Variants in GPC6 observed in about 807,000 individuals in gnomAD.
GPC6 encodes the protein glypican-6.
Under a neutral mutation model 55.2 loss-of-function variants are expected in GPC6, and 14 were observed. The ratio of observed to expected loss-of-function variants is 0.25; its 90% CI spans 0.17 to 0.40. The LOEUF (loss-of-function observed/expected upper bound fraction) is 0.40. Among genes scored for constraint, GPC6 ranks in the 10% least tolerant of loss-of-function variants. The pLI is 1.00. For synonymous variants in GPC6, 278 were observed against 259.6 expected (o/e 1.07, Z -0.68); for missense variants, 641 against 708.5 (o/e 0.90, Z 1.08).
intron 2 of GPC6, among the ~76,000 whole-genome samples, chr13:93,546,279 T>C (rs1874783253): frequency 6.6e-6 from 1 of 152,222 alleles, no homozygotes; most frequent in Admixed American, 6.5e-5. Context: ...CTATTAATTT[T>C]CTTCTCTCAG....
At chr13:93,393,041 A>G (rs547939061) in intron 1 of GPC6, among the ~76,000 whole-genome samples, 1 of 150,982 alleles carries the variant, frequency 6.6e-6, no homozygotes, top group African/African-American at 2.4e-5. Context: ...TGTTAATTAA[A>G]TTTGAGAGAT....
Position 93,808,676 on chromosome 13 carries a change from G to A in GPC6, c.320-21478G>A, listed in dbSNP as rs1349793006. Among the ~76,000 whole-genome samples the A allele has an allele frequency of 3.3e-5, 5 of 152,200 alleles. No individual in the cohort carries two copies. In the East Asian group the frequency reaches 9.6e-4, roughly 29 times the overall value. On this transcript the variant is annotated intron_variant, in intron 2 of 8. Coordinates refer to ENST00000377047, the MANE Select transcript of GPC6 (RefSeq NM_005708.5). ...AACACAGAACTCCTATGGAAAGCAA[G>A]TTTATTCCAGAAAGTATGAGTGAGG...
intron 3 of GPC6, among the ~76,000 whole-genome samples, chr13:93,935,939 T>A (rs1331467172): frequency 6.6e-6 from 1 of 152,176 alleles, no homozygotes; most frequent in Non-Finnish European, 1.5e-5. Flanking sequence ...TTTTATCAGA[T>A]TCCCTCTTGA....
chr13:93,786,108 G>A (rs879477253), intron 2 of GPC6, among the ~76,000 whole-genome samples: 1 of 152,124 alleles, frequency 6.6e-6, no homozygotes, highest in Admixed American at 6.5e-5. Context: ...CAGTGTGGAC[G>A]CCAAACACTC....
chr13:93,341,251 T>G (rs1344988233), intron 1 of GPC6, among the ~76,000 whole-genome samples: 1 of 152,214 alleles, frequency 6.6e-6, no homozygotes, highest in Non-Finnish European at 1.5e-5. Context: ...TGACTTCTTT[T>G]GGGTAGCTAC....
intron 1 of GPC6, among the ~76,000 whole-genome samples, chr13:93,324,464 G>A (rs558101897): frequency 6.6e-6 from 1 of 150,638 alleles, no homozygotes; most frequent in South Asian, 2.1e-4. Context: ...AGATACTTAG[G>A]GGGATGGAAA....
intron 1 of GPC6, among the ~76,000 whole-genome samples, chr13:93,485,283 G>A (rs1055957962): frequency 1.3e-5 from 2 of 152,144 alleles, no homozygotes; most frequent in Admixed American, 6.5e-5. Flanking sequence ...TGGGACAGGC[G>A]GTGGCATCAT....
chr13:93,223,019 CTTTTTT>C (rs3073915), upstream of GPC6, among the ~76,000 whole-genome samples: 11 of 100,814 alleles, frequency 1.1e-4, no homozygotes, highest in East Asian at 3.1e-4. Flanking sequence ...AGGGAAAACA[CTTTTTT>C]TTTTTTTTTT....
intron 1 of GPC6, among the ~76,000 whole-genome samples, chr13:93,451,692 A>T (rs1878229900): frequency 6.6e-6 from 1 of 152,198 alleles, no homozygotes; most frequent in South Asian, 2.1e-4. Context: ...TCCAATCCTT[A>T]CTAAATGATT....
chr13:93,771,448 C>T (rs571290805), intron 2 of GPC6, among the ~76,000 whole-genome samples: 1 of 152,214 alleles, frequency 6.6e-6, no homozygotes, highest in Non-Finnish European at 1.5e-5. Flanking sequence ...TTGTCTCACA[C>T]GTGTCGGGGA....
Position 93,227,645 on chromosome 13 carries a change from C to CCTCATGACAA in GPC6, c.160+29_160+30insCTCATGACAA. 6.4e-7 allele frequency: 1 copy of CCTCATGACAA among 1,562,850 alleles called. No individual in the cohort carries two copies. Among genetic ancestry groups the CCTCATGACAA allele is most frequent in the Non-Finnish European group, 8.7e-7 (1 of 1,155,942 alleles). The stretch of plus-strand genomic sequence containing the variant: ...AGCGCGGGCGCGCTGCAGGGGCAGG[C>CCTCATGACAA]TGCAGCCCTCGGCTGCCGCACGTCC... On this transcript the variant is annotated intron_variant, in intron 1 of 8. Coordinates refer to ENST00000377047, the MANE Select transcript of GPC6 (RefSeq NM_005708.5). The surrounding 1 kb of genome is among the most constrained non-coding windows in gnomAD (Gnocchi z 4.3).
At chr13:93,284,797 A>T (rs1165117467) in intron 1 of GPC6, among the ~76,000 whole-genome samples, 1 of 152,238 alleles carries the variant, frequency 6.6e-6, no homozygotes, top group Non-Finnish European at 1.5e-5. Context: ...GGCTTAGATA[A>T]GTACAATAAT....
intron 2 of GPC6, among the ~76,000 whole-genome samples, chr13:93,690,331 A>G (rs2138779397): frequency 6.6e-6 from 1 of 152,160 alleles, no homozygotes; most frequent in East Asian, 1.9e-4. Context: ...GTGGGGTCCA[A>G]AGGGTGGAAA....
chr13:94,055,168 G>T (rs999818779), intron 4 of GPC6, among the ~76,000 whole-genome samples: 2 of 152,194 alleles, frequency 1.3e-5, no homozygotes, highest in African/African-American at 4.8e-5. Flanking sequence ...AAAAGCAGGG[G>T]CTCAGCGAAG....
intron 4 of GPC6, among the ~76,000 whole-genome samples, chr13:94,144,571 G>C (rs1887497833): frequency 7.4e-6 from 1 of 136,044 alleles, no homozygotes; most frequent in Non-Finnish European, 1.6e-5. Context: ...GTGTGTGTGT[G>C]TGTATAAGAC....
At chr13:94,078,008 G>A (rs1237158780) in intron 4 of GPC6, among the ~76,000 whole-genome samples, 2 of 151,878 alleles carry the variant, frequency 1.3e-5, no homozygotes, top group Non-Finnish European at 2.9e-5. Context: ...TGGATCACAT[G>A]TTAGGCTACA....
chr13:93,588,491 C>A (rs1161830905), intron 2 of GPC6, among the ~76,000 whole-genome samples: 1 of 152,064 alleles, frequency 6.6e-6, no homozygotes, highest in African/African-American at 2.4e-5. Context: ...TATAAACCTA[C>A]CTTCCTGTAT....
intron 2 of GPC6, among the ~76,000 whole-genome samples, chr13:93,723,146 A>G (rs558013471): frequency 6.6e-6 from 1 of 152,090 alleles, no homozygotes; most frequent in South Asian, 2.1e-4. Flanking sequence ...AGGATGCTTT[A>G]CTTTTTAAAA....
At chr13:93,249,323 A>G (rs1876708613) in intron 1 of GPC6, among the ~76,000 whole-genome samples, 1 of 152,228 alleles carries the variant, frequency 6.6e-6, no homozygotes, top group South Asian at 2.1e-4. Flanking sequence ...TTTAATCCTA[A>G]AAATTGCTGT....
Sources: allele counts gnomAD v4.1 joint callset (sites outside exome capture counted in the v4.1 genomes callset), GRCh38; gene constraint gnomAD v4.1.1; non-coding constraint Gnocchi (gnomAD v3.1); transcripts MANE v1.5; gene names NCBI Gene and HGNC (gene_info 2026-07-23, HGNC 2026-07-21).